Variants in ZNF618 observed in about 807,000 individuals in gnomAD.
The protein encoded by ZNF618 is zinc finger protein 618.
ZNF618 carries 34 observed loss-of-function variants against 103.0 expected under a neutral mutation model. The observed-to-expected ratio is 0.33, with a 90% CI of 0.25 to 0.44. ZNF618 has a LOEUF of 0.44. Ranked by LOEUF, ZNF618 falls within the 20% of genes least tolerant of loss-of-function variation. The pLI, the probability that ZNF618 is intolerant of heterozygous loss-of-function variation, is 1.00. For synonymous variants in ZNF618, 551 were observed against 542.2 expected (o/e 1.02, Z -0.23); for missense variants, 1,059 against 1,295.4 (o/e 0.82, Z 2.80).
At chr9:113,964,198 A>T (rs1271677907) in intron 1 of ZNF618, among the ~76,000 whole-genome samples, 3 of 152,102 alleles carry the variant, frequency 2.0e-5, no homozygotes, top group African/African-American at 7.2e-5. Context: ...TGAGGCCCCC[A>T]CATTTGTGGC....
At chr9:113,942,430 A>G (rs941145975) in intron 1 of ZNF618, among the ~76,000 whole-genome samples, 10 of 152,228 alleles carry the variant, frequency 6.6e-5, no homozygotes, top group South Asian at 6.2e-4. Context: ...TTACTTTGCC[A>G]TAGAGAAAGA....
At chr9:113,920,838 A>T (rs184382410) in intron 1 of ZNF618, among the ~76,000 whole-genome samples, 58 of 152,376 alleles carry the variant, frequency 3.8e-4, no homozygotes, top group African/African-American at 1.4e-3. Context: ...TAGTATCAAT[A>T]GGATTTAGCA....
At chr9:113,903,915 T>A (rs1242421014) in intron 1 of ZNF618, among the ~76,000 whole-genome samples, 1 of 151,846 alleles carries the variant, frequency 6.6e-6, no homozygotes, top group Non-Finnish European at 1.5e-5. Context: ...TTCTTCTGCT[T>A]GGGATTTATT....
chr9:113,998,180 C>A, intron 3 of ZNF618, 79 bp from the exon 4 acceptor site: 1 of 1,318,154 alleles, frequency 7.6e-7, no homozygotes, highest in Admixed American at 2.0e-5. Context: ...TCTCAAAGTG[C>A]AGCCAACTTC....
chr9:113,974,522 A>G (rs573403594), intron 2 of ZNF618, among the ~76,000 whole-genome samples: 30 of 152,298 alleles, frequency 2.0e-4, no homozygotes, highest in African/African-American at 7.0e-4. Flanking sequence ...AGATGTGATG[A>G]TAGGTGTTGC....
intron 1 of ZNF618, among the ~76,000 whole-genome samples, chr9:113,896,621 G>A (rs1170682433): frequency 6.6e-6 from 1 of 151,816 alleles, no homozygotes; most frequent in Non-Finnish European, 1.5e-5. Flanking sequence ...ATATATCATT[G>A]ACTTTATTAA....
chr9:113,878,990 C>T (rs1277094113), intron 1 of ZNF618, among the ~76,000 whole-genome samples: 2 of 151,142 alleles, frequency 1.3e-5, no homozygotes, highest in Non-Finnish European at 2.9e-5. Flanking sequence ...CACATTCTGA[C>T]ATATTTGGAA....
At chr9:114,023,922 T>C (rs111308600) in intron 10 of ZNF618, among the ~76,000 whole-genome samples, 1 of 152,204 alleles carries the variant, frequency 6.6e-6, no homozygotes, top group African/African-American at 2.4e-5. Flanking sequence ...TATTTGTGTT[T>C]ATCCTGTTTG....
chr9:113,904,576 A>G (rs1297072122), intron 1 of ZNF618, among the ~76,000 whole-genome samples: 3 of 152,100 alleles, frequency 2.0e-5, no homozygotes, highest in Non-Finnish European at 4.4e-5. Flanking sequence ...GTTTCCTTTG[A>G]CTGCTCTAAC....
intron 1 of ZNF618, among the ~76,000 whole-genome samples, chr9:113,880,985 C>T (rs1476585648): frequency 6.6e-6 from 1 of 152,196 alleles, no homozygotes; most frequent in African/African-American, 2.4e-5. Flanking sequence ...TCAAGGGCCA[C>T]ATATGAAGAA....
chr9:113,917,270 G>A (rs368277206), intron 1 of ZNF618, among the ~76,000 whole-genome samples: 10 of 141,494 alleles, frequency 7.1e-5, no homozygotes, highest in African/African-American at 2.6e-4. Context: ...TGTGAGATAG[G>A]GGTCTGGCTT....
intron 11 of ZNF618, chr9:114,030,988 A>G (rs1843973802): frequency 6.6e-6 from 1 of 152,212 alleles, no homozygotes; most frequent in South Asian, 2.1e-4. Context: ...TCTCCACACA[A>G]GGCCTTTTTC....
intron 1 of ZNF618, among the ~76,000 whole-genome samples, chr9:113,926,442 A>G (rs1293664117): frequency 6.6e-6 from 1 of 151,814 alleles, no homozygotes; most frequent in African/African-American, 2.4e-5. Flanking sequence ...ATTCTCAGCC[A>G]TTGCTACTTC....
At position 114,053,731 on chromosome 9, in the gene ZNF618, A is replaced by G. The variant is rs893807061; in HGVS notation, c.*3564A>G. ...TGCCTTTGTTCTGGCACAGTTCTCC[A>G]CTTCCCGATTCCTGGCTCAGCCAGC... On this transcript the variant is annotated 3_prime_UTR_variant, in exon 15 of 15. Coordinates refer to ENST00000374126, the MANE Select transcript of ZNF618 (RefSeq NM_001318042.2). 2 of 152,102 alleles carry G rather than the reference A, an allele frequency of 1.3e-5. No individual in the cohort carries two copies. The highest frequency in any genetic ancestry group is 2.9e-5 in the Non-Finnish European group (2 of 68,022). The allele number at this position is 152,102 out of a possible 1,614,324, so 9.4% of individuals were successfully genotyped here.
At chr9:113,974,713 C>A (rs997393439) in intron 2 of ZNF618, among the ~76,000 whole-genome samples, 9 of 152,114 alleles carry the variant, frequency 5.9e-5, no homozygotes, top group Non-Finnish European at 1.0e-4. Context: ...AGCTGTACTC[C>A]TGTGGTCCCC....
chr9:114,049,926 A>G lies in ZNF618; in HGVS notation c.2624A>G (p.Tyr875Cys), dbSNP rs868779261. 6.2e-7 allele frequency: 1 copy of G among 1,613,914 alleles called. No homozygotes were observed. Among genetic ancestry groups the G allele is most frequent in the Non-Finnish European group, 8.5e-7 (1 of 1,179,898 alleles). The change falls in exon 15 of 15, where the codon TAC (tyrosine) becomes TGC (cysteine). Residue 875 changes from tyrosine to cysteine, a missense_variant. This residue lies in a region of ZNF618 where 156 missense variants were observed against 197.1 expected (regional missense o/e 0.79). Coordinates refer to ENST00000374126, the MANE Select transcript of ZNF618 (RefSeq NM_001318042.2). Reference sequence around the variant, plus strand: ...GATCGGCTAGGCAAAAATGAAGTGTACGATTACCTGCAGGAGCCCCTCTTC... The same window carrying G: ...GATCGGCTAGGCAAAAATGAAGTGTGCGATTACCTGCAGGAGCCCCTCTTC... ...EDDRLGKNEV[Y>C]DYLQEPLFQA...
At chr9:114,025,335 T>A (rs1419879572) in intron 10 of ZNF618, among the ~76,000 whole-genome samples, 1 of 152,248 alleles carries the variant, frequency 6.6e-6, no homozygotes, top group East Asian at 1.9e-4. Flanking sequence ...CTCCCTTGAT[T>A]GTGTGGTTGC....
At chr9:113,903,621 T>C (rs1167349286) in intron 1 of ZNF618, among the ~76,000 whole-genome samples, 1 of 152,210 alleles carries the variant, frequency 6.6e-6, no homozygotes, top group Non-Finnish European at 1.5e-5. Context: ...GGTCTGCTGC[T>C]GATGAATTCC....
At chr9:114,038,007 G>A (rs778014589) in intron 13 of ZNF618, among the ~76,000 whole-genome samples, 1 of 152,030 alleles carries the variant, frequency 6.6e-6, no homozygotes, top group African/African-American at 2.4e-5. Flanking sequence ...CACGCTTCCC[G>A]CCCCCTGCTT....
Sources: gnomAD v4.1 joint callset for allele counts (sites outside exome capture counted in the v4.1 genomes callset) on GRCh38, gnomAD v4.1.1 for gene constraint, gnomAD v4.1.1 regional missense constraint, MANE v1.5 for transcripts, NCBI Gene and HGNC (gene_info 2026-07-23, HGNC 2026-07-21) for gene names.